Variants in DPP6 observed in about 807,000 individuals in gnomAD.
DPP6 encodes dipeptidyl peptidase like 6.
A neutral mutation model predicts 122.6 loss-of-function variants in DPP6; 69 were observed. The observed-to-expected ratio is 0.56, with a 90% CI of 0.46 to 0.69. The LOEUF is 0.69. Among genes scored for constraint, DPP6 ranks in the 30% least tolerant of loss-of-function variants. The probability of loss-of-function intolerance (pLI) is 0.00; values close to 1 mark genes in which losing one functional copy is unlikely to be tolerated. For synonymous variants in DPP6, 418 were observed against 433.1 expected (o/e 0.97, Z 0.43); for missense variants, 928 against 1,116.9 (o/e 0.83, Z 2.41).
At chr7:154,629,914 C>T (rs1305304478) in intron 5 of DPP6, among the ~76,000 whole-genome samples, 1 of 152,148 alleles carries the variant, frequency 6.6e-6, no homozygotes. Context: ...TCCGGTTTGC[C>T]AAGAGCCCCA....
intron 1 of DPP6, among the ~76,000 whole-genome samples, chr7:154,381,302 C>A (rs989435561): frequency 1.2e-4 from 18 of 152,182 alleles, no homozygotes; most frequent in African/African-American, 4.1e-4. Flanking sequence ...CCGTTGTGTA[C>A]AAAGCATTTT....
At chr7:154,499,776 T>C (rs1344825895) in intron 3 of DPP6, among the ~76,000 whole-genome samples, 1 of 152,026 alleles carries the variant, frequency 6.6e-6, no homozygotes, top group Non-Finnish European at 1.5e-5. Context: ...ATACACTATA[T>C]CATTCCATCT....
chr7:154,450,367 T>C (rs1454162636), intron 2 of DPP6, among the ~76,000 whole-genome samples: 1 of 152,244 alleles, frequency 6.6e-6, no homozygotes, highest in Non-Finnish European at 1.5e-5. Flanking sequence ...GTTAATATTA[T>C]ATATTTTAAA....
the DPP6 span, among the ~76,000 whole-genome samples, chr7:153,847,956 T>C: frequency 8.1e-4 from 123 of 152,192 alleles, no homozygotes; most frequent in Non-Finnish European, 1.5e-3. Flanking sequence ...AACAGGCCTG[T>C]GGTTTTCTAC....
rs1406871441 is a variant in DPP6, at chr7:154,659,836, C to T, written c.681-9524C>T. Among the ~76,000 whole-genome samples, 3 of 152,164 alleles carry T rather than the reference C, an allele frequency of 2.0e-5. No individual in the cohort carries two copies. The East Asian group carries it at 5.8e-4, about 29-fold the overall frequency. ...AGAGGTTGAGAGAGTCACTAGCTAG[C>T]AAAAAGAAAACAATTACCTCTTTGG... On this transcript the variant is annotated intron_variant, in intron 6 of 25. Coordinates refer to ENST00000377770, the MANE Select transcript of DPP6 (RefSeq NM_130797.4).
chr7:154,268,532 G>A (rs1447540886), intron 1 of DPP6, among the ~76,000 whole-genome samples: 3 of 152,172 alleles, frequency 2.0e-5, no homozygotes, highest in African/African-American at 2.4e-5. Flanking sequence ...CCTTCCGGAG[G>A]CCTTGCCTCC....
intron 1 of DPP6, among the ~76,000 whole-genome samples, chr7:154,316,934 G>A (rs1001100944): frequency 1.3e-5 from 2 of 152,136 alleles, no homozygotes; most frequent in Non-Finnish European, 2.9e-5. Flanking sequence ...CGTTGGACAA[G>A]TTGGGTAACC....
intron 15 of DPP6, 35 bp downstream of exon 15, chr7:154,804,999 C>A: frequency 6.3e-7 from 1 of 1,574,978 alleles, no homozygotes; most frequent in East Asian, 2.3e-5. Flanking sequence ...AGGGCTCTCC[C>A]CCTTAGGAGG....
the DPP6 span, among the ~76,000 whole-genome samples, chr7:153,798,782 T>G: frequency 4.6e-5 from 7 of 152,300 alleles, no homozygotes; most frequent in Non-Finnish European, 5.9e-5. Context: ...GCCCTGAGCT[T>G]GTTTTCCTGC....
At chr7:154,349,619 A>G (rs543043462) in intron 1 of DPP6, among the ~76,000 whole-genome samples, 2 of 152,312 alleles carry the variant, frequency 1.3e-5, no homozygotes, top group East Asian at 3.9e-4. Flanking sequence ...ACTTGTGTTT[A>G]TAGGTTGTCT....
intron 1 of DPP6, among the ~76,000 whole-genome samples, chr7:154,132,791 C>T (rs1795355808): frequency 6.6e-6 from 1 of 152,066 alleles, no homozygotes. Flanking sequence ...AGATGCCACA[C>T]GTGAAACCAC....
Position 154,530,803 on chromosome 7 carries a change from A to G in DPP6, c.458-9729A>G, listed in dbSNP as rs558639263. Among the ~76,000 whole-genome samples the G allele has an allele frequency of 1.4e-4, 21 of 152,340 alleles. No individual in the cohort carries two copies. The South Asian group carries it at 4.4e-3, about 32-fold the overall frequency. On this transcript the variant is annotated intron_variant, in intron 3 of 25. Coordinates refer to ENST00000377770, the MANE Select transcript of DPP6 (RefSeq NM_130797.4). ...TGGTACATATACACTATGGAATACT[A>G]TACTATGCAGCCACAAAAAGGAACA...
intron 1 of DPP6, among the ~76,000 whole-genome samples, chr7:154,120,636 A>G (rs1053017582): frequency 6.6e-6 from 1 of 152,212 alleles, no homozygotes; most frequent in African/African-American, 2.4e-5. Context: ...ATGGTCATCT[A>G]TACAAGTTTC....
At position 153,905,446 on chromosome 7, in the gene DPP6, A is replaced by G. The variant is rs190203341; in HGVS notation, c.51+17712A>G. Among the ~76,000 whole-genome samples, 167 of 152,270 alleles carry G rather than the reference A, an allele frequency of 1.1e-3. 1 individual carries two copies. The highest frequency in any genetic ancestry group is 6.8e-3 in the Middle Eastern group (2 of 294). ...AGATTGAGATTATTATTATATTAAC[A>G]TAAGCATTGTGGTCTAGGTTTGGAT... is the stretch of plus-strand genomic sequence containing the variant. On this transcript the variant is annotated intron_variant, in intron 1 of 25. Transcript: ENST00000404039.
At chr7:154,012,359 G>T (rs1417677711) in intron 1 of DPP6, among the ~76,000 whole-genome samples, 1 of 152,164 alleles carries the variant, frequency 6.6e-6, no homozygotes, top group Non-Finnish European at 1.5e-5. Context: ...AGAAAATTCT[G>T]AAAAGTACAA....
At chr7:154,793,208 T>C (rs1797799399) in intron 10 of DPP6, among the ~76,000 whole-genome samples, 3 of 152,216 alleles carry the variant, frequency 2.0e-5, no homozygotes, top group Admixed American at 6.5e-5. Flanking sequence ...GATCTCATTA[T>C]AGATAGAGAA....
intron 1 of DPP6, among the ~76,000 whole-genome samples, chr7:153,959,182 G>A (rs1267938938): frequency 6.6e-6 from 1 of 151,116 alleles, no homozygotes; most frequent in Non-Finnish European, 1.5e-5. Flanking sequence ...TTTTTCTGTT[G>A]TATAAATAGC....
At chr7:153,948,676 A>C (rs963245174) in intron 1 of DPP6, among the ~76,000 whole-genome samples, 2 of 151,530 alleles carry the variant, frequency 1.3e-5, no homozygotes, top group Non-Finnish European at 2.9e-5. Context: ...TCAAAAATGA[A>C]CAAAATATAA....
At chr7:153,966,492 G>C (rs1306424355) in intron 1 of DPP6, among the ~76,000 whole-genome samples, 1 of 140,166 alleles carries the variant, frequency 7.1e-6, no homozygotes, top group East Asian at 2.3e-4. Flanking sequence ...CCCTTCTCCC[G>C]TTCATCTTCC....
Sources: gnomAD v4.1 joint callset for allele counts (sites outside exome capture counted in the v4.1 genomes callset) on GRCh38, gnomAD v4.1.1 for gene constraint, MANE v1.5 for transcripts, NCBI Gene and HGNC (gene_info 2026-07-23, HGNC 2026-07-21) for gene names.